Variants in C2CD3 observed in about 807,000 individuals in gnomAD.
C2CD3 encodes the protein C2 domain containing 3 centriole elongation regulator, also known as C2 domain-containing protein 3.
Under a neutral mutation model 234.0 loss-of-function variants are expected in C2CD3, and 148 were observed. That is an observed-to-expected ratio of 0.63 (90% confidence interval 0.55 to 0.72). The LOEUF (loss-of-function observed/expected upper bound fraction) is 0.72. C2CD3 is among the 30% of genes least tolerant of loss of function. The pLI is 0.00. For missense variants in C2CD3, 2,577 were observed against 2,811.5 expected, an observed-to-expected ratio of 0.92 and a Z score of 1.89; for synonymous variants, 1,000 against 1,035.4, an observed-to-expected ratio of 0.97 and a Z score of 0.66.
intron 7 of C2CD3, among the ~76,000 whole-genome samples, chr11:74,132,625 G>C (rs1354107391): frequency 6.6e-6 from 1 of 152,198 alleles, no homozygotes; most frequent in Non-Finnish European, 1.5e-5. Context: ...TGGGAGATAA[G>C]AACGGTAAGG....
At chr11:74,046,755 C>T (rs117172446) in intron 28 of C2CD3, among the ~76,000 whole-genome samples, 188 of 152,080 alleles carry the variant, frequency 1.2e-3, no homozygotes, top group East Asian at 9.5e-3. Flanking sequence ...TATGGATATA[C>T]GACAATTTTG....
chr11:74,031,514 G>A (rs1952522508), intron 31 of C2CD3, among the ~76,000 whole-genome samples: 5 of 152,174 alleles, frequency 3.3e-5, no homozygotes, highest in Admixed American at 3.3e-4. Context: ...TTACTGGGAT[G>A]GCTCCAAGTA....
chr11:74,075,321 T>C (rs1022528244), intron 23 of C2CD3, among the ~76,000 whole-genome samples: 1 of 149,516 alleles, frequency 6.7e-6, no homozygotes, highest in East Asian at 2.0e-4. Flanking sequence ...GAGGCTGTCT[T>C]GACACTCAAT....
rs55892627 is a variant in C2CD3, at chr11:74,029,530, C to T, written c.6810-1132G>A. ...GAATGGAGATCCCGAAGGGAAAGAC[C>T]CTTTGACTCCAGGCCTTCTGCAGAG... is the stretch of plus-strand genomic sequence containing the variant. On this transcript the variant is annotated intron_variant, in intron 31 of 32. Coordinates refer to ENST00000334126, the MANE Select transcript of C2CD3 (RefSeq NM_001286577.2). Among the ~76,000 whole-genome samples the T allele has an allele frequency of 3.4e-3, 520 of 152,318 alleles. 5 individuals are homozygous for T. The highest frequency in any genetic ancestry group is 0.012 in the African/African-American group (495 of 41,562).
chr11:74,073,030 AGAG>A (rs1954870807), intron 24 of C2CD3, among the ~76,000 whole-genome samples: 1 of 152,176 alleles, frequency 6.6e-6, no homozygotes, highest in South Asian at 2.1e-4. Flanking sequence ...GCCAGGCAAA[AGAG>A]AAGGGTGACG....
chr11:74,054,406 A>T lies in C2CD3; in HGVS notation c.5155+201T>A, dbSNP rs536132785. On this transcript the variant is annotated intron_variant, in intron 26 of 32. Transcript: ENST00000334126. ...AGCAAGATCTTGTTCAAAAAAAAAA[A>T]TTTTTTTTTTCTTACAGGAGAATAA... is the stretch of plus-strand genomic sequence containing the variant. Among the ~76,000 whole-genome samples the T allele has an allele frequency of 1.5e-3, 221 of 149,458 alleles. 2 individuals carry two copies. The East Asian group carries it at 0.017, about 12-fold the overall frequency.
At chr11:74,157,517 T>C (rs927491946) in intron 3 of C2CD3, among the ~76,000 whole-genome samples, 11 of 152,192 alleles carry the variant, frequency 7.2e-5, no homozygotes, top group African/African-American at 2.4e-4. Flanking sequence ...AAACAATAAA[T>C]GTTAAGTTTT....
At chr11:74,077,626 T>C (rs1212256985) in intron 23 of C2CD3, among the ~76,000 whole-genome samples, 1 of 150,332 alleles carries the variant, frequency 6.7e-6, no homozygotes, top group African/African-American at 2.4e-5. Flanking sequence ...CTGGGGCCTG[T>C]TAGGGGTGGG....
chr11:74,051,831 T>C (rs780261933), intron 26 of C2CD3, among the ~76,000 whole-genome samples: 20 of 152,204 alleles, frequency 1.3e-4, no homozygotes, highest in Non-Finnish European at 2.6e-4. Context: ...TGTTTTATTT[T>C]ACCTTTGTAT....
intron 3 of C2CD3, among the ~76,000 whole-genome samples, chr11:74,148,967 G>C (rs766614866): frequency 6.6e-6 from 1 of 152,020 alleles, no homozygotes; most frequent in South Asian, 2.1e-4. Flanking sequence ...CAAACAGTTC[G>C]ATAATTTTGT....
chr11:74,079,342 T>C (rs145042734), intron 22 of C2CD3, among the ~76,000 whole-genome samples: 29 of 152,246 alleles, frequency 1.9e-4, no homozygotes, highest in African/African-American at 6.5e-4. Context: ...TATAGGACTA[T>C]ATGCATGTGC....
chr11:74,139,568 A>G (rs764778430), intron 4 of C2CD3, 37 bp downstream of exon 4: 10 of 1,356,070 alleles, frequency 7.4e-6, no homozygotes, highest in East Asian at 4.6e-5. Context: ...CAGTGCAGTT[A>G]ACTGACAGAT....
chr11:74,135,877 A>G (rs538437993), intron 5 of C2CD3, among the ~76,000 whole-genome samples: 22 of 152,272 alleles, frequency 1.4e-4, no homozygotes, highest in Middle Eastern at 3.4e-3. Context: ...ACAGAAAACT[A>G]AATACTGCAT....
At position 74,101,451 on chromosome 11, in the gene C2CD3, G is replaced by A. The variant is rs377113232; in HGVS notation, c.2581-775C>T. ...AAGGGATGATGAGAGGAAGACACCA[G>A]AAAACAGAGCAGAGCTACTTTTGTA... On this transcript the variant is annotated intron_variant, in intron 14 of 32. Transcript: ENST00000334126. Among the ~76,000 whole-genome samples, 27 of 152,288 alleles carry A rather than the reference G, an allele frequency of 1.8e-4. No homozygotes were observed. In the South Asian group the frequency reaches 5.4e-3, roughly 30 times the overall value.
At chr11:74,079,358 C>T (rs984492403) in intron 22 of C2CD3, among the ~76,000 whole-genome samples, 1 of 152,036 alleles carries the variant, frequency 6.6e-6, no homozygotes. Context: ...TGTGCTACCA[C>T]GCCTGGCCAT....
intron 26 of C2CD3, among the ~76,000 whole-genome samples, chr11:74,053,248 G>A (rs778551240): frequency 1.3e-5 from 2 of 152,176 alleles, no homozygotes; most frequent in Admixed American, 6.5e-5. Flanking sequence ...AAGAATTAGA[G>A]ATGTTTGTAA....
At chr11:74,090,405 T>G (rs1379357708) in intron 20 of C2CD3, among the ~76,000 whole-genome samples, 3 of 152,110 alleles carry the variant, frequency 2.0e-5, no homozygotes, top group African/African-American at 7.2e-5. Context: ...ACTTAAGTGT[T>G]CATAGGTTCA....
At position 74,098,188 on chromosome 11, in the gene C2CD3, G is replaced by A; in HGVS notation, c.2800C>T (p.Pro934Ser). ...TGGCCTGAAAACACATCAATCACAG[G>A]CATGTAGCTGTCGACAGCAACAACT... ...YPVVAVDSYM[P>S]VIDVFSGHQN... The change falls in exon 16 of 33, where the codon CCT becomes TCT. Residue 934 changes from proline (P) to serine (S), a missense_variant. Physicochemically the swap from Pro to Ser is moderately conservative, Grantham distance 74. Transcript: ENST00000334126. The A allele has an allele frequency of 1.2e-6, 2 of 1,613,944 alleles. No individual in the cohort carries two copies. The highest frequency in any genetic ancestry group is 3.3e-5 in the Admixed American group (2 of 60,004).
chr11:74,122,916 C>CTGGCAAGTG (rs1957267399), intron 8 of C2CD3, 72 bp downstream of exon 8: 30 of 1,264,408 alleles, frequency 2.4e-5, no homozygotes, highest in Non-Finnish European at 2.8e-5. Context: ...GCATAGCTGT[C>CTGGCAAGTG]ATGCCTGCAG....
Sources: gnomAD v4.1 joint callset for allele counts (sites outside exome capture counted in the v4.1 genomes callset) on GRCh38, gnomAD v4.1.1 for gene constraint, MANE v1.5 for transcripts, NCBI Gene and HGNC (gene_info 2026-07-23, HGNC 2026-07-21) for gene names.